MAG: variants seen among roughly 807,000 people sequenced by gnomAD.
MAG encodes the protein myelin associated glycoprotein, also known as myelin-associated glycoprotein.
MAG carries 30 observed loss-of-function variants against 60.7 expected under a neutral mutation model. The observed-to-expected ratio is 0.49, with a 90% confidence interval of 0.37 to 0.67. MAG has a LOEUF of 0.67. Among genes scored for constraint, MAG ranks in the 30% least tolerant of loss-of-function variants. The pLI is 0.00. For missense variants in MAG, 795 were observed against 851.7 expected (o/e 0.93, Z 0.83); for synonymous variants, 384 against 376.8 (o/e 1.02, Z -0.22).
chr19:35,292,296 G>A, intron 1 of MAG, 92 bp downstream of exon 1: 1 of 455,628 alleles, frequency 2.2e-6, no homozygotes, highest in East Asian at 7.0e-5. Flanking sequence ...CTCTGGGTGA[G>A]GGAGCATCGC....
At chr19:35,304,795 C>T (rs905406918) in intron 7 of MAG, among the ~76,000 whole-genome samples, 1 of 152,182 alleles carries the variant, frequency 6.6e-6, no homozygotes, top group Non-Finnish European at 1.5e-5. Flanking sequence ...CCGCCTCGGC[C>T]TCCCAAAGTG....
At chr19:35,310,691 G>T in intron 9 of MAG, 48 bp downstream of exon 9, 1 of 1,550,982 alleles carries the variant, frequency 6.4e-7, no homozygotes, top group Non-Finnish European at 8.9e-7. Context: ...TCCAAAAAGG[G>T]GACCTGGTGG....
chr19:35,295,722 C>A lies in MAG; in HGVS notation c.156C>A (p.Pro52=). ...CRFDFPDELR[P]AVVHGVWYFN... ...TTGACTTCCCGGATGAGCTGCGGCC[C>A]GCTGTGGTGCATGGTGTCTGGTACT... The change falls in exon 4 of 11, where the codon CCC becomes CCA. Residue 52 remains proline (P), a synonymous_variant. Coordinates refer to ENST00000392213, the MANE Select transcript of MAG (RefSeq NM_002361.4). This position sits in a 1 kb window ranked among gnomAD's most constrained non-coding sequence, Gnocchi z 5.8. 6.2e-7 allele frequency: 1 copy of A among 1,613,830 alleles called. No homozygotes were observed. The highest frequency in any genetic ancestry group is 1.1e-5 in the South Asian group (1 of 91,082).
chr19:35,301,397 G>T (rs74258140), intron 6 of MAG, among the ~76,000 whole-genome samples: 2 of 149,252 alleles, frequency 1.3e-5, no homozygotes, highest in Admixed American at 6.7e-5. Context: ...AATGACAGCC[G>T]CAGCCAACAT....
Position 35,300,391 on chromosome 19 carries a change from G to T in MAG, c.957G>T (p.Gly319=). The T allele has an allele frequency of 6.4e-7, 1 of 1,574,102 alleles. No individual in the cohort carries two copies. The highest frequency in any genetic ancestry group is 1.1e-5 in the South Asian group (1 of 89,278). ...ATGGCCAGGACAACCGCACCGTGGG[G>T]CTCAGTGTCATGTGTGAGTGGCCCA... The part of the protein sequence containing the change: ...NAYGQDNRTV[G]LSVMYAPWKP... Residue 319 remains glycine (G), a synonymous_variant, in exon 6 of 11, where the codon GGG becomes GGT. Transcript: ENST00000392213.
Position 35,302,477 on chromosome 19 carries a change from A to T in MAG, c.1000A>T (p.Thr334Ser), listed in dbSNP as rs763171002. The change falls in exon 7 of 11, where the codon ACA becomes TCA. Residue 334 changes from threonine to serine, a missense_variant. By Grantham distance (58) the Thr-to-Ser change is moderately conservative (BLOSUM62 1). Coordinates refer to ENST00000392213, the MANE Select transcript of MAG (RefSeq NM_002361.4). ...YAPWKPTVNG[T>S]MVAVEGETVS... ...ACCCTGGAAGCCAACAGTGAACGGG[A>T]CAATGGTGGCCGTAGAGGGGGAGAC... 4.3e-6 allele frequency: 7 copies of T among 1,614,110 alleles called. No individual in the cohort carries two copies. In the Admixed American group the frequency reaches 6.7e-5, roughly 15 times the overall value.
At chr19:35,312,489 T>C in intron 10 of MAG, 1 of 630,758 alleles carries the variant, frequency 1.6e-6, no homozygotes, top group Non-Finnish European at 2.8e-6. Flanking sequence ...TGCAGCTCCC[T>C]TCTGTCTGTG....
intron 5 of MAG, 82 bp from the exon 6 acceptor site, chr19:35,300,065 G>C (rs1362591014): frequency 7.0e-7 from 1 of 1,434,274 alleles, no homozygotes; most frequent in Non-Finnish European, 9.2e-7. Context: ...GGACAGTGTT[G>C]GGGGCGGGGC....
intron 4 of MAG, among the ~76,000 whole-genome samples, chr19:35,297,006 G>C (rs1315063941): frequency 7.2e-6 from 1 of 139,294 alleles, no homozygotes; most frequent in Non-Finnish European, 1.5e-5. Context: ...AGGACTCCAA[G>C]CAGCAGCGCC....
At chr19:35,306,507 C>T (rs1322082966) in intron 7 of MAG, among the ~76,000 whole-genome samples, 2 of 151,792 alleles carry the variant, frequency 1.3e-5, no homozygotes, top group Non-Finnish European at 2.9e-5. Flanking sequence ...GTTTGATCAT[C>T]GCTCACTGCA....
In MAG at chr19:35,299,789, C is replaced by T. The variant is rs1268551626; in HGVS notation, c.651C>T (p.Cys217=). 6 of 1,543,232 alleles carry T rather than the reference C, an allele frequency of 3.9e-6. No homozygotes were observed. The South Asian group carries it at 7.1e-5, about 18-fold the overall frequency. The part of the protein sequence containing the change: ...TREANGHRLG[C]QASFPNTTLQ... ...AGGCCAACGGCCACAGGCTGGGCTG[C>T]CAGGCCTCCTTCCCCAACACCACCC... Residue 217 remains cysteine (C), a synonymous_variant, in exon 5 of 11, where the codon TGC becomes TGT. Transcript: ENST00000392213.
intron 6 of MAG, among the ~76,000 whole-genome samples, chr19:35,302,065 C>T (rs371541642): frequency 5.9e-5 from 9 of 152,056 alleles, no homozygotes; most frequent in East Asian, 1.9e-4. Context: ...TTAATTACAT[C>T]GGCTGTTTCC....
intron 4 of MAG, among the ~76,000 whole-genome samples, chr19:35,297,005 A>C (rs2145606383): frequency 6.7e-6 from 1 of 148,414 alleles, no homozygotes; most frequent in African/African-American, 2.5e-5. Context: ...GAGGACTCCA[A>C]GCAGCAGCGC....
In MAG at chr19:35,302,455, C is replaced by G; in HGVS notation, c.978C>G (p.Pro326=). 1 of 1,614,114 alleles carries G rather than the reference C, an allele frequency of 6.2e-7. No individual in the cohort carries two copies. Among genetic ancestry groups the G allele is most frequent in the South Asian group, 1.1e-5 (1 of 91,074 alleles). ...RTVGLSVMYA[P]WKPTVNGTMV... ...TCCCGTCCTACCCCGCAGATGCACCCTGGAAGCCAACAGTGAACGGGACAA... is the reference window on the plus strand; with the variant it reads ...TCCCGTCCTACCCCGCAGATGCACCGTGGAAGCCAACAGTGAACGGGACAA... The change falls in exon 7 of 11, where the codon CCC becomes CCG. Residue 326 remains proline (P), a synonymous_variant. Coordinates refer to ENST00000392213, the MANE Select transcript of MAG (RefSeq NM_002361.4).
rs763523619 is a variant in MAG at position 35,309,888 on chromosome 19, C to T, written c.1246C>T (p.Leu416Phe). 1.3e-5 allele frequency: 21 copies of T among 1,611,280 alleles called. No individual in the cohort carries two copies. In the Admixed American group the frequency reaches 2.2e-4, roughly 17 times the overall value. ...NLSVEFAPVLLLESHCAAARD... is the reference protein window; with the variant it reads ...NLSVEFAPVLFLESHCAAARD... ...TGCCCCTGCAGTCGCCCCTGTGCTC[C>T]TCCTGGAGTCCCACTGCGCGGCAGC... The change falls in exon 8 of 11, where the codon CTC becomes TTC. Residue 416 changes from leucine to phenylalanine, a missense_variant. Transcript: ENST00000392213.
At chr19:35,304,754 G>A (rs2066472078) in intron 7 of MAG, among the ~76,000 whole-genome samples, 1 of 152,074 alleles carries the variant, frequency 6.6e-6, no homozygotes, top group African/African-American at 2.4e-5. Flanking sequence ...TGCCCAGGCT[G>A]TTCTCCAACT....
chr19:35,299,041 C>T (rs2066425453), intron 4 of MAG, among the ~76,000 whole-genome samples: 2 of 129,752 alleles, frequency 1.5e-5, no homozygotes, highest in Non-Finnish European at 3.6e-5. Flanking sequence ...CACACACCCA[C>T]ACCACACACA....
At position 35,310,047 on chromosome 19, in the gene MAG, G is replaced by A. The variant is rs200754835; in HGVS notation, c.1405G>A (p.Val469Met). Residue 469 changes from valine to methionine, a missense_variant, in exon 8 of 11, where the codon GTG becomes ATG. Transcript: ENST00000392213. ...EFVYSERSGL[V>M]LTSILTLRGQ... ...CGTGTACTCGGAGCGCAGCGGCCTC[G>A]TGCTCACCAGCATCCTCACGCTGCG... 1 of 1,613,786 alleles carries A rather than the reference G, an allele frequency of 6.2e-7. No individual in the cohort carries two copies. The highest frequency in any genetic ancestry group is 1.1e-5 in the South Asian group (1 of 91,080).
At chr19:35,299,179 A>AC (rs2145610425) in intron 4 of MAG, among the ~76,000 whole-genome samples, 2 of 152,346 alleles carry the variant, frequency 1.3e-5, no homozygotes, top group South Asian at 4.1e-4. Flanking sequence ...CGCCAGAGCC[A>AC]CAGGGTTTGT....
Sources: gnomAD v4.1 joint callset for allele counts (sites outside exome capture counted in the v4.1 genomes callset) on GRCh38, gnomAD v4.1.1 for gene constraint, Gnocchi (gnomAD v3.1) non-coding constraint, MANE v1.5 for transcripts, NCBI Gene and HGNC (gene_info 2026-07-23, HGNC 2026-07-21) for gene names.